The following RBBP5 variants were observed in gnomAD, a reference collection of about 807,000 sequenced individuals.
RBBP5 encodes the protein RB binding protein 5, histone lysine methyltransferase complex subunit.
RBBP5 carries 5 observed loss-of-function variants against 72.2 expected under a neutral mutation model. The ratio of observed to expected loss-of-function variants is 0.07; its 90% CI spans 0.04 to 0.15. The LOEUF (loss-of-function observed/expected upper bound fraction) is 0.15. Among genes scored for constraint, RBBP5 ranks in the 10% least tolerant of loss-of-function variants. The probability of loss-of-function intolerance (pLI) is 1.00; values close to 1 mark genes in which losing one functional copy is unlikely to be tolerated. For missense variants in RBBP5, 322 were observed against 652.2 expected, an observed-to-expected ratio of 0.49 and a Z score of 5.51; for synonymous variants, 209 against 237.2, an observed-to-expected ratio of 0.88 and a Z score of 1.09.
chr1:205,105,231 A>G, intron 3 of RBBP5, 63 bp from the exon 4 acceptor site: 2 of 1,550,752 alleles, frequency 1.3e-6, no homozygotes, highest in Non-Finnish European at 1.8e-6. Flanking sequence ...TCTCATGAAT[A>G]AACTGTGTAA....
intron 13 of RBBP5, among the ~76,000 whole-genome samples, chr1:205,092,728 C>G (rs1043188734): frequency 2.0e-5 from 3 of 151,416 alleles, no homozygotes; most frequent in Admixed American, 6.6e-5. Context: ...CTGCACCCAG[C>G]TCAAGGTTTT....
intron 1 of RBBP5, chr1:205,116,252 T>C: frequency 2.6e-6 from 1 of 382,766 alleles, no homozygotes; most frequent in Non-Finnish European, 5.1e-6. Flanking sequence ...ACAAAATAAC[T>C]ACTCACATAA....
rs1302585898 is a variant in RBBP5 at position 205,105,092 on chromosome 1, C to T, written c.295G>A (p.Asp99Asn). The T allele has an allele frequency of 2.5e-6, 4 of 1,613,872 alleles. No individual in the cohort carries two copies. Among genetic ancestry groups the T allele is most frequent in the Non-Finnish European group, 2.5e-6 (3 of 1,179,954 alleles). Reference protein sequence around the residue: ...IVSQWDVLSGDCDQRFRFPSP... With the variant: ...IVSQWDVLSGNCDQRFRFPSP... ...GGGAATCGAAACCTCTGGTCACAGT[C>T]GCCTGAAAGAACATCCCACTGTGAC... Residue 99 changes from aspartate to asparagine, a missense_variant, in exon 4 of 14, where the codon GAC (aspartate) becomes AAC (asparagine). Coordinates refer to ENST00000264515, the MANE Select transcript of RBBP5 (RefSeq NM_005057.4).
intron 3 of RBBP5, among the ~76,000 whole-genome samples, chr1:205,107,535 G>GC (rs1351397324): frequency 2.0e-5 from 3 of 152,172 alleles, no homozygotes; most frequent in Non-Finnish European, 2.9e-5. Context: ...CTTGTTGCTA[G>GC]CAGACATACT....
chr1:205,102,260 G>A (rs1028501785), intron 5 of RBBP5, among the ~76,000 whole-genome samples: 1 of 152,134 alleles, frequency 6.6e-6, no homozygotes, highest in Non-Finnish European at 1.5e-5. Context: ...AGCAACCCAA[G>A]TATCCACAGA....
intron 1 of RBBP5, among the ~76,000 whole-genome samples, chr1:205,121,621 ACTGT>A (rs1057390313): frequency 7.9e-5 from 12 of 152,110 alleles, no homozygotes; most frequent in African/African-American, 2.9e-4. Context: ...TAAGTCACAA[ACTGT>A]CTGTCCCCAT....
At chr1:205,091,773 G>A (rs1244138296) in intron 13 of RBBP5, 1 of 152,336 alleles carries the variant, frequency 6.6e-6, no homozygotes, top group Middle Eastern at 3.4e-3. Context: ...TGACTCAAAT[G>A]CTGAAGTTGT....
chr1:205,116,150 G>T (rs960708516), intron 1 of RBBP5: 23 of 562,652 alleles, frequency 4.1e-5, no homozygotes, highest in Middle Eastern at 5.8e-4. Flanking sequence ...GATGTGAGAA[G>T]TCCCCCAACT....
At chr1:205,096,942 G>GAAAAAA in intron 11 of RBBP5, 31 bp from the exon 12 acceptor site, 1 of 1,527,860 alleles carries the variant, frequency 6.5e-7, no homozygotes, top group African/African-American at 1.4e-5. Context: ...CAAGGGATTG[G>GAAAAAA]AAAAAAGAGG....
chr1:205,114,912 A>G lies in RBBP5; in HGVS notation c.95T>C (p.Phe32Ser). 6.3e-7 allele frequency: 1 copy of G among 1,594,106 alleles called. No homozygotes were observed. Among genetic ancestry groups the G allele is most frequent in the Non-Finnish European group, 8.6e-7 (1 of 1,167,714 alleles). ...DCISMALTCTFNRWGTLLAVG... is the reference protein window; with the variant it reads ...DCISMALTCTSNRWGTLLAVG... ...TGCAAGCAGTGTGCCCCACCTGTTA[A>G]AGGTGCAAGTCAAAGCCATGCTGAT... Residue 32 changes from phenylalanine (F) to serine (S), a missense_variant, in exon 3 of 14, where the codon TTT (phenylalanine) becomes TCT (serine). By Grantham distance (155) the Phe-to-Ser change is radical. This residue lies in a region of RBBP5 where 20 missense variants were observed against 43.6 expected (regional missense o/e 0.46). Coordinates refer to ENST00000264515, the MANE Select transcript of RBBP5 (RefSeq NM_005057.4).
At chr1:205,108,329 A>T (rs1295245907) in intron 3 of RBBP5, among the ~76,000 whole-genome samples, 3 of 152,198 alleles carry the variant, frequency 2.0e-5, no homozygotes, top group African/African-American at 7.2e-5. Context: ...GTGTCAATGT[A>T]TGTAGAGCAA....
chr1:205,101,846 T>A (rs1314204493), intron 5 of RBBP5, 137 bp from the exon 6 acceptor site: 5 of 556,000 alleles, frequency 9.0e-6, no homozygotes, highest in African/African-American at 2.0e-5. Flanking sequence ...CCTGATTAAC[T>A]GGTATTGCTG....
intron 3 of RBBP5, among the ~76,000 whole-genome samples, chr1:205,107,719 G>A (rs1656129706): frequency 1.3e-5 from 2 of 152,158 alleles, no homozygotes; most frequent in Non-Finnish European, 2.9e-5. Context: ...GCCAAGGTAG[G>A]TGGATCACCT....
intron 1 of RBBP5, chr1:205,116,284 G>T: frequency 2.7e-6 from 1 of 372,864 alleles, no homozygotes; most frequent in South Asian, 2.0e-5. Flanking sequence ...ATTTATTATG[G>T]TTATTTCTAT....
rs149708373 is a variant in RBBP5, at chr1:205,109,176, C to T, written c.219-4008G>A. Reference sequence around the variant, plus strand: ...TGAGTCCTTCTAGAGAATGTCAACTCTAAAGAGGCCTAAAGGTGTTAAAAT... The same window carrying T: ...TGAGTCCTTCTAGAGAATGTCAACTTTAAAGAGGCCTAAAGGTGTTAAAAT... On this transcript the variant is annotated intron_variant, in intron 3 of 13. Coordinates refer to ENST00000264515, the MANE Select transcript of RBBP5 (RefSeq NM_005057.4). Among the ~76,000 whole-genome samples the T allele has an allele frequency of 4.1e-4, 62 of 151,968 alleles. 1 individual carries two copies. The East Asian group carries it at 8.9e-3, about 22-fold the overall frequency.
chr1:205,111,336 T>G (rs1024538355), intron 3 of RBBP5, among the ~76,000 whole-genome samples: 1 of 152,174 alleles, frequency 6.6e-6, no homozygotes, highest in Non-Finnish European at 1.5e-5. Context: ...GCTGAGAACA[T>G]AGCAGTGAAA....
chr1:205,105,189 A>G lies in RBBP5; in HGVS notation c.219-21T>C, dbSNP rs1335343889. The G allele has an allele frequency of 3.7e-6, 6 of 1,601,988 alleles. No individual in the cohort carries two copies. The South Asian group carries it at 6.6e-5, about 18-fold the overall frequency. On this transcript the variant is annotated intron_variant, in intron 3 of 13. Transcript: ENST00000264515. The stretch of plus-strand genomic sequence containing the variant: ...TCCAGCTGAGGAAAAAAAAGGGGTA[A>G]TTTAGCACATATTCTAAGTATATCA...
In RBBP5 at chr1:205,098,860, A is replaced by G. The variant is rs955998453; in HGVS notation, c.1096+129T>C. The G allele has an allele frequency of 7.2e-6, 4 of 557,572 alleles. No homozygotes were observed. The African/African-American group carries it at 7.9e-5, about 11-fold the overall frequency. The allele number at this position is 557,572 out of a possible 1,614,324, so 34.5% of individuals were successfully genotyped here. A position where few individuals can be genotyped will look rare whatever the true frequency, so the allele number is the denominator to read the frequency against. The stretch of plus-strand genomic sequence containing the variant: ...ATTCCATCTCAAAAAAAAAAAAAAA[A>G]AAAAGTGTGGGGTGGAGGGGGGCAT... On this transcript the variant is annotated intron_variant, in intron 10 of 13. Transcript: ENST00000264515.
In RBBP5 at chr1:205,087,219, T is replaced by TA. The variant is rs1655170208; in HGVS notation, c.*1567dup. On this transcript the variant is annotated 3_prime_UTR_variant, in exon 14 of 14. Coordinates refer to ENST00000264515, the MANE Select transcript of RBBP5 (RefSeq NM_005057.4). ...TATCATTTTTTTTTTTTTTTTGAGA[T>TA]AGAGTCTCATTCTGTCACCTAGGCT... 3 of 146,936 alleles carry TA rather than the reference T, an allele frequency of 2.0e-5. No individual in the cohort carries two copies. Among genetic ancestry groups the TA allele is most frequent in the Admixed American group, 7.0e-5 (1 of 14,374 alleles). 9.1% of individuals were successfully genotyped at this position (146,936 alleles called of 1,614,324 possible).
Sources: allele counts gnomAD v4.1 joint callset (sites outside exome capture counted in the v4.1 genomes callset), GRCh38; gene constraint gnomAD v4.1.1; regional missense constraint gnomAD v4.1.1; transcripts MANE v1.5; gene names NCBI Gene and HGNC (gene_info 2026-07-23, HGNC 2026-07-21).